The following NCALD variants were observed in gnomAD, a reference collection of about 807,000 sequenced individuals.
The protein encoded by NCALD is neurocalcin-delta.
A neutral mutation model predicts 18.6 loss-of-function variants in NCALD; 10 were observed. That is an observed-to-expected ratio of 0.54 (90% CI 0.33 to 0.91). NCALD has a LOEUF of 0.91. Among genes scored for constraint, NCALD ranks in the 40% least tolerant of loss-of-function variants. NCALD has a pLI of 0.03. For missense variants in NCALD, 184 were observed against 247.6 expected (o/e 0.74, Z 1.72); for synonymous variants, 88 against 87.4 (o/e 1.01, Z -0.04).
In NCALD at chr8:101,692,829, G is replaced by T. The variant is rs1163499958; in HGVS notation, c.446C>A (p.Thr149Lys). The T allele has an allele frequency of 1.2e-6, 2 of 1,613,874 alleles. No homozygotes were observed. Among genetic ancestry groups the T allele is most frequent in the East Asian group, 2.2e-5 (1 of 44,876 alleles). Residue 149 changes from threonine (T) to lysine (K), a missense_variant, in exon 3 of 4, where the codon ACA becomes AAA. Physicochemically the swap from Thr to Lys is moderately conservative, Grantham distance 78. Coordinates refer to ENST00000220931, the MANE Select transcript of NCALD (RefSeq NM_032041.3). ...PEDESTPEKR[T>K]EKIFRQMDTN... ...GTCCATCTGGCGGAAGATCTTTTCTGTTCTTTTCTCTGGGGTTGACTCATC... is the reference window on the plus strand; with the variant it reads ...GTCCATCTGGCGGAAGATCTTTTCTTTTCTTTTCTCTGGGGTTGACTCATC...
Position 102,016,834 on chromosome 8 carries a change from C to CA in NCALD, c.-157+3402dup, listed in dbSNP as rs757340857. On this transcript the variant is annotated intron_variant, in intron 2 of 6. Coordinates refer to the NCALD transcript ENST00000311028. ...ACACTCAAAAAAGCAAAAACAAAAA[C>CA]AAAAAAACCCTCACCTCATTGTCAA... Among the ~76,000 whole-genome samples, 355 of 151,982 alleles carry CA rather than the reference C, an allele frequency of 2.3e-3. 2 individuals carry two copies. The highest frequency in any genetic ancestry group is 4.0e-3 in the Non-Finnish European group (274 of 67,942).
At chr8:101,985,175 G>A (rs1337002993) in intron 2 of NCALD, among the ~76,000 whole-genome samples, 1 of 152,190 alleles carries the variant, frequency 6.6e-6, no homozygotes, top group African/African-American at 2.4e-5. Flanking sequence ...ATGGAGGGGT[G>A]CACGTGGACA....
At chr8:101,841,439 G>C (rs569226329) in intron 4 of NCALD, among the ~76,000 whole-genome samples, 3 of 152,238 alleles carry the variant, frequency 2.0e-5, no homozygotes, top group African/African-American at 4.8e-5. Flanking sequence ...TTTGTTGTAG[G>C]GGACTTTCCT....
intron 1 of NCALD, among the ~76,000 whole-genome samples, chr8:102,049,290 C>T (rs1457110186): frequency 6.6e-6 from 1 of 152,224 alleles, no homozygotes; most frequent in Non-Finnish European, 1.5e-5. Flanking sequence ...AAAGGGCCAA[C>T]CGCATGGATC....
At chr8:102,075,306 A>G (rs1251309773) in intron 1 of NCALD, among the ~76,000 whole-genome samples, 1 of 152,212 alleles carries the variant, frequency 6.6e-6, no homozygotes, top group Non-Finnish European at 1.5e-5. Flanking sequence ...ACATAACTAT[A>G]AAACTATAGG....
chr8:101,738,617 C>T lies in NCALD; in HGVS notation c.-19-18969G>A, dbSNP rs181661260. Among the ~76,000 whole-genome samples, 184 of 150,278 alleles carry T rather than the reference C, an allele frequency of 1.2e-3. 1 individual carries two copies. The highest frequency in any genetic ancestry group is 4.2e-3 in the African/African-American group (170 of 40,934). Reference sequence around the variant, plus strand: ...AGAAAATATCACCTAGAACACGGAACGCCAAAAAACGCTATCTGCGGTTGG... The same window carrying T: ...AGAAAATATCACCTAGAACACGGAATGCCAAAAAACGCTATCTGCGGTTGG... On this transcript the variant is annotated intron_variant, in intron 1 of 3. Coordinates refer to ENST00000220931, the MANE Select transcript of NCALD (RefSeq NM_032041.3).
chr8:101,734,783 G>GCAA (rs201095221), intron 1 of NCALD, among the ~76,000 whole-genome samples: 8 of 152,154 alleles, frequency 5.3e-5, no homozygotes, highest in Admixed American at 1.3e-4. Context: ...AATAAATAAG[G>GCAA]CAACAACAAC....
At chr8:101,781,231 C>G (rs1812001075) in intron 1 of NCALD, among the ~76,000 whole-genome samples, 1 of 152,128 alleles carries the variant, frequency 6.6e-6, no homozygotes, top group South Asian at 2.1e-4. Flanking sequence ...TTAACTACCC[C>G]TGGCAGTTGG....
chr8:101,786,478 T>G (rs1812233139), intron 1 of NCALD, among the ~76,000 whole-genome samples: 1 of 152,158 alleles, frequency 6.6e-6, no homozygotes, highest in Non-Finnish European at 1.5e-5. Flanking sequence ...TGAGATGCTA[T>G]TTTTGATCTC....
chr8:101,817,496 T>C (rs1186496160), intron 4 of NCALD, among the ~76,000 whole-genome samples: 3 of 152,136 alleles, frequency 2.0e-5, no homozygotes, highest in African/African-American at 7.2e-5. Flanking sequence ...TTGCCTAGAA[T>C]TTCTGACAGC....
At chr8:101,826,384 A>T (rs1167310940) in intron 4 of NCALD, among the ~76,000 whole-genome samples, 1 of 140,208 alleles carries the variant, frequency 7.1e-6, no homozygotes, top group Non-Finnish European at 1.5e-5. Context: ...AGTCTTCATG[A>T]GACTTCTAGA....
chr8:101,792,770 C>G (rs1812492689), upstream of NCALD, among the ~76,000 whole-genome samples: 1 of 152,156 alleles, frequency 6.6e-6, no homozygotes, highest in Non-Finnish European at 1.5e-5. Flanking sequence ...CTCTCTGGCT[C>G]TAATCCATAG....
At chr8:102,087,183 A>T (rs1321262040) in intron 1 of NCALD, among the ~76,000 whole-genome samples, 2 of 152,142 alleles carry the variant, frequency 1.3e-5, no homozygotes, top group Non-Finnish European at 2.9e-5. Flanking sequence ...CTTGTGTGAG[A>T]TCCAAGAACC....
At chr8:101,719,127 T>A (rs1816228972) in intron 2 of NCALD, 125 bp downstream of exon 2, 2 of 1,114,248 alleles carry the variant, frequency 1.8e-6, no homozygotes, top group South Asian at 3.2e-5. Context: ...ACATGCAGGG[T>A]GGGCCAAATG....
intron 4 of NCALD, among the ~76,000 whole-genome samples, chr8:101,868,230 T>G: frequency 6.6e-6 from 1 of 152,038 alleles, no homozygotes; most frequent in East Asian, 1.9e-4. Flanking sequence ...CACTTTTGCC[T>G]TTTTTTGTGT....
intron 2 of NCALD, among the ~76,000 whole-genome samples, chr8:101,991,550 T>A (rs187004025): frequency 2.2e-4 from 34 of 152,276 alleles, no homozygotes; most frequent in African/African-American, 7.9e-4. Context: ...TACCAATTCA[T>A]GTGTCTGAGT....
At chr8:101,907,022 G>A (rs1032910042) in intron 3 of NCALD, among the ~76,000 whole-genome samples, 16 of 152,202 alleles carry the variant, frequency 1.1e-4, no homozygotes, top group African/African-American at 3.9e-4. Flanking sequence ...CTGGGTTCCA[G>A]TGTGACTCTG....
At chr8:101,791,446 G>T (rs1183351245), upstream of NCALD, among the ~76,000 whole-genome samples, 1 of 152,146 alleles carries the variant, frequency 6.6e-6, no homozygotes, top group African/African-American at 2.4e-5. Flanking sequence ...GAAGCTCAGG[G>T]GGAGGGGTTG....
chr8:101,737,092 T>C (rs1809955285), intron 1 of NCALD, among the ~76,000 whole-genome samples: 1 of 152,044 alleles, frequency 6.6e-6, no homozygotes, highest in African/African-American at 2.4e-5. Flanking sequence ...GGAAAAGAAA[T>C]ACAGCCACAA....
Sources: allele counts gnomAD v4.1 joint callset (sites outside exome capture counted in the v4.1 genomes callset), GRCh38; gene constraint gnomAD v4.1.1; transcripts MANE v1.5; gene names NCBI Gene and HGNC (gene_info 2026-07-23, HGNC 2026-07-21).